Variants in TGM6 observed in about 807,000 individuals in gnomAD.
TGM6 encodes the protein protein-glutamine gamma-glutamyltransferase 6.
TGM6 carries 74 observed loss-of-function variants against 77.5 expected under a neutral mutation model. The observed-to-expected ratio is 0.96, with a 90% CI of 0.79 to 1.16. The LOEUF (loss-of-function observed/expected upper bound fraction) is 1.16. Ranked by LOEUF, TGM6 falls within the 50% of genes most tolerant of loss-of-function variation. TGM6 has a pLI of 0.00. For missense variants in TGM6, 968 were observed against 940.2 expected (o/e 1.03, Z -0.39); for synonymous variants, 383 against 378.9 (o/e 1.01, Z -0.12).
At chr20:2,423,271 C>T (rs537428664) in intron 10 of TGM6, among the ~76,000 whole-genome samples, 20 of 151,658 alleles carry the variant, frequency 1.3e-4, no homozygotes, top group Non-Finnish European at 2.5e-4. Flanking sequence ...CTGTAGTATG[C>T]GATGGTGTTC....
Position 2,400,418 on chromosome 20 carries a change from G to T in TGM6, c.963G>T (p.Leu321=), listed in dbSNP as rs753249432. The change falls in exon 7 of 13, where the codon CTG becomes CTT. Residue 321 remains leucine (L), a synonymous_variant. Transcript: ENST00000202625. ...DKYVDSFGRT[L]EDLTEDSMWN... ...ACGTGGACTCCTTCGGGCGGACCCT[G>T]GAGGACCTGACAGAAGACAGCATGT... The T allele has an allele frequency of 1.2e-6, 2 of 1,614,196 alleles. No individual in the cohort carries two copies. Among genetic ancestry groups the T allele is most frequent in the East Asian group, 4.5e-5 (2 of 44,872 alleles).
intron 10 of TGM6, among the ~76,000 whole-genome samples, 197 bp from the exon 11 acceptor site, chr20:2,430,249 T>C (rs1360566687): frequency 1.3e-5 from 2 of 152,166 alleles, no homozygotes; most frequent in African/African-American, 4.8e-5. Context: ...TTACTTCCTA[T>C]ATGAGTTTGA....
rs547253809 is a variant in TGM6, at chr20:2,387,835, G to C, written c.8-6617G>C. 4.6e-5 allele frequency among the ~76,000 whole-genome samples: 7 copies of C among 152,340 alleles called. No homozygotes were observed. The South Asian group carries it at 1.4e-3, about 32-fold the overall frequency. ...GCATCAGCTGGGGCAGATTGCCTGG[G>C]GGCTGAAGGACCCACTTGCCAGATG... On this transcript the variant is annotated intron_variant, in intron 1 of 12. Coordinates refer to ENST00000202625, the MANE Select transcript of TGM6 (RefSeq NM_198994.3).
In TGM6 at chr20:2,399,551, C is replaced by A; in HGVS notation, c.673-10C>A. 6.2e-7 allele frequency: 1 copy of A among 1,612,416 alleles called. No individual in the cohort carries two copies. Among genetic ancestry groups the A allele is most frequent in the South Asian group, 1.1e-5 (1 of 91,008 alleles). On this transcript the variant is annotated splice_polypyrimidine_tract_variant and intron_variant, in intron 5 of 12. Transcript: ENST00000202625. ...TGCCTGGTTGTGGACCCGTGCCCTC[C>A]TCTGCCCAGGTGAACAGCAACAACG...
At chr20:2,432,046 T>C (rs1308709368) in intron 12 of TGM6, among the ~76,000 whole-genome samples, 1 of 152,040 alleles carries the variant, frequency 6.6e-6, no homozygotes, top group Non-Finnish European at 1.5e-5. Flanking sequence ...TTTTGGTTGT[T>C]GTTTTTGTTT....
At chr20:2,406,702 G>A (rs1170337096) in intron 9 of TGM6, among the ~76,000 whole-genome samples, 1 of 151,366 alleles carries the variant, frequency 6.6e-6, no homozygotes, top group Non-Finnish European at 1.5e-5. Flanking sequence ...AGGCATGGTG[G>A]CCCATGCCTG....
At position 2,394,474 on chromosome 20, in the gene TGM6, C is replaced by G; in HGVS notation, c.30C>G (p.Asp10Glu). The G allele has an allele frequency of 1.2e-6, 2 of 1,611,638 alleles. No homozygotes were observed. The highest frequency in any genetic ancestry group is 1.7e-6 in the Non-Finnish European group (2 of 1,179,864). The change falls in exon 2 of 13, where the codon GAC becomes GAG. Residue 10 changes from aspartate to glutamate, a missense_variant. Coordinates refer to ENST00000202625, the MANE Select transcript of TGM6 (RefSeq NM_198994.3). MAGIRVTKV[D>E]WQRSRNGAAH... ...CAGGGATCAGAGTCACCAAGGTGGA[C>G]TGGCAGCGGTCGAGGAATGGCGCTG...
chr20:2,381,021 G>A lies in TGM6; in HGVS notation c.7+46G>A, dbSNP rs151031920. The A allele has an allele frequency of 1.4e-3, 2,218 of 1,605,530 alleles. 21 individuals are homozygous for A. In the African/African-American group the frequency reaches 0.025, roughly 18 times the overall value. On this transcript the variant is annotated intron_variant, in intron 1 of 12. Coordinates refer to ENST00000202625, the MANE Select transcript of TGM6 (RefSeq NM_198994.3). ...GCCTTGGGACACCAGGGCTCATGAG[G>A]GGGGCTTCAAGAAACACGGGTCTGT... is the stretch of plus-strand genomic sequence containing the variant.
At chr20:2,384,322 C>T (rs1433764513) in intron 1 of TGM6, among the ~76,000 whole-genome samples, 1 of 152,064 alleles carries the variant, frequency 6.6e-6, no homozygotes, top group Non-Finnish European at 1.5e-5. Flanking sequence ...CCATTTAATC[C>T]TCCTCGAAAC....
At chr20:2,403,163 C>T (rs934048194) in intron 7 of TGM6, among the ~76,000 whole-genome samples, 2 of 152,130 alleles carry the variant, frequency 1.3e-5, no homozygotes, top group African/African-American at 4.8e-5. Context: ...AGTTGCAGTA[C>T]CTTGAACAAC....
intron 1 of TGM6, 142 bp downstream of exon 1, chr20:2,381,117 C>A (rs570198632): frequency 1.5e-6 from 2 of 1,299,074 alleles, no homozygotes; most frequent in Non-Finnish European, 2.2e-6. Context: ...ATGAACTCTT[C>A]GTGTGGATTC....
intron 9 of TGM6, among the ~76,000 whole-genome samples, chr20:2,404,405 C>T (rs529062958): frequency 2.8e-4 from 42 of 152,298 alleles, no homozygotes; most frequent in African/African-American, 8.9e-4. Context: ...GGTTCCTTAG[C>T]AATGTTATGA....
At chr20:2,386,805 G>C (rs1276976518) in intron 1 of TGM6, among the ~76,000 whole-genome samples, 1 of 151,954 alleles carries the variant, frequency 6.6e-6, no homozygotes, top group Non-Finnish European at 1.5e-5. Context: ...GGCTGTGGCA[G>C]GGAAGGGGGG....
chr20:2,398,135 C>T (rs1173051448), intron 5 of TGM6, 89 bp downstream of exon 5: 3 of 1,604,418 alleles, frequency 1.9e-6, no homozygotes, highest in Non-Finnish European at 8.5e-7. Flanking sequence ...TTCCCATCAC[C>T]CCTTGTTTTA....
chr20:2,430,369 T>C, intron 10 of TGM6, 77 bp from the exon 11 acceptor site: 1 of 1,568,568 alleles, frequency 6.4e-7, no homozygotes. Context: ...CTATTAGTTG[T>C]GCATTCCCTT....
chr20:2,396,932 T>G (rs2084673377), intron 4 of TGM6, among the ~76,000 whole-genome samples: 1 of 152,102 alleles, frequency 6.6e-6, no homozygotes, highest in South Asian at 2.1e-4. Flanking sequence ...AGGGATGGCG[T>G]GCTGGACCCC....
Position 2,387,221 on chromosome 20 carries a change from T to C in TGM6, c.7+6246T>C, listed in dbSNP as rs1164453366. 4.6e-5 allele frequency among the ~76,000 whole-genome samples: 7 copies of C among 152,246 alleles called. No homozygotes were observed. In the East Asian group the frequency reaches 1.2e-3, roughly 25 times the overall value. ...GGGAGAGGGTCCTGCTTGTGTTTTC[T>C]GACTAAACCAAGGTCATCTGAGCTC... On this transcript the variant is annotated intron_variant, in intron 1 of 12. Coordinates refer to ENST00000202625, the MANE Select transcript of TGM6 (RefSeq NM_198994.3).
intron 7 of TGM6, 58 bp from the exon 8 acceptor site, chr20:2,403,339 A>C: frequency 1.3e-6 from 2 of 1,591,726 alleles, no homozygotes; most frequent in Non-Finnish European, 1.7e-6. Context: ...TCTCAGTAGG[A>C]TCTTCCCTTC....
rs200041444 is a variant in TGM6, at chr20:2,395,344, G to A, written c.332G>A (p.Arg111His). 41 of 1,614,238 alleles carry A rather than the reference G, an allele frequency of 2.5e-5. No homozygotes were observed. The highest frequency in any genetic ancestry group is 1.5e-4 in the African/African-American group (11 of 75,054). ...AGCCCTCCCAGTGCTGTCATTGGCC[G>A]CTACCTGCTGAGCATCAGGCTTTCC... ...LASPPSAVIG[R>H]YLLSIRLSSH... is the part of the protein sequence containing the mutation. Residue 111 changes from arginine (R) to histidine (H), a missense_variant, in exon 3 of 13, where the codon CGC (arginine) becomes CAC (histidine). Coordinates refer to ENST00000202625, the MANE Select transcript of TGM6 (RefSeq NM_198994.3).
Sources: allele counts gnomAD v4.1 joint callset (sites outside exome capture counted in the v4.1 genomes callset), GRCh38; gene constraint gnomAD v4.1.1; transcripts MANE v1.5; gene names NCBI Gene and HGNC (gene_info 2026-07-23, HGNC 2026-07-21).